Variants in HS6ST3 observed in about 807,000 individuals in gnomAD.
HS6ST3 encodes heparan-sulfate 6-O-sulfotransferase 3.
Under a neutral mutation model 36.7 loss-of-function variants are expected in HS6ST3, and 12 were observed. The ratio of observed to expected loss-of-function variants is 0.33; its 90% CI spans 0.21 to 0.53. The LOEUF is 0.53. Among genes scored for constraint, HS6ST3 ranks in the 20% least tolerant of loss-of-function variants. HS6ST3 has a pLI of 0.95. For synonymous variants in HS6ST3, 240 were observed against 257.5 expected (o/e 0.93, Z 0.65); for missense variants, 584 against 640.9 (o/e 0.91, Z 0.96).
At chr13:96,772,669 G>A (rs1877291564) in intron 1 of HS6ST3, among the ~76,000 whole-genome samples, 1 of 152,148 alleles carries the variant, frequency 6.6e-6, no homozygotes, top group South Asian at 2.1e-4. Context: ...GAAATCCACC[G>A]AAGTTATATA....
chr13:96,526,060 T>C (rs912733727), intron 1 of HS6ST3, among the ~76,000 whole-genome samples: 3 of 152,072 alleles, frequency 2.0e-5, no homozygotes, highest in South Asian at 2.1e-4. Flanking sequence ...GTTTTGAAGT[T>C]AGCCAGGAAA....
intron 1 of HS6ST3, among the ~76,000 whole-genome samples, chr13:96,325,719 C>T (rs1344600771): frequency 6.6e-6 from 1 of 152,058 alleles, no homozygotes; most frequent in Admixed American, 6.5e-5. Flanking sequence ...ACATTAATGA[C>T]TGGGACTATG....
chr13:96,637,400 G>T (rs572478725), intron 1 of HS6ST3, among the ~76,000 whole-genome samples: 2 of 152,206 alleles, frequency 1.3e-5, no homozygotes, highest in South Asian at 4.2e-4. Flanking sequence ...CACATATGTG[G>T]TTTAGACATT....
intron 1 of HS6ST3, among the ~76,000 whole-genome samples, chr13:96,581,968 A>T (rs934082192): frequency 6.6e-6 from 1 of 152,184 alleles, no homozygotes; most frequent in Non-Finnish European, 1.5e-5. Flanking sequence ...TCCAGCCAAG[A>T]CACCTAAGCA....
chr13:96,282,853 C>T (rs1425586862), intron 1 of HS6ST3, among the ~76,000 whole-genome samples: 1 of 152,100 alleles, frequency 6.6e-6, no homozygotes, highest in East Asian at 1.9e-4. Context: ...TTTTAGAATT[C>T]AGGGTTTACT....
intron 1 of HS6ST3, among the ~76,000 whole-genome samples, chr13:96,182,076 A>G (rs945507003): frequency 1.3e-5 from 2 of 152,234 alleles, no homozygotes; most frequent in Non-Finnish European, 2.9e-5. Context: ...TCATGAAATG[A>G]TGTAACTAGT....
At chr13:96,615,027 T>G (rs2056469335) in intron 1 of HS6ST3, among the ~76,000 whole-genome samples, 1 of 152,226 alleles carries the variant, frequency 6.6e-6, no homozygotes, top group Non-Finnish European at 1.5e-5. Flanking sequence ...TTTTACAAGA[T>G]ATCTTGGCTT....
intron 1 of HS6ST3, among the ~76,000 whole-genome samples, chr13:96,405,625 G>A (rs557732082): frequency 6.6e-6 from 1 of 152,034 alleles, no homozygotes; most frequent in Non-Finnish European, 1.5e-5. Flanking sequence ...AATATTAAGC[G>A]CATCCTATAT....
At chr13:96,534,939 G>T (rs539268658) in intron 1 of HS6ST3, among the ~76,000 whole-genome samples, 1 of 152,250 alleles carries the variant, frequency 6.6e-6, no homozygotes, top group South Asian at 2.1e-4. Flanking sequence ...CAGCCTGGGT[G>T]ACAGAGCAAG....
rs185168339 is a variant in HS6ST3 at position 96,589,156 on chromosome 13, A to C, written c.708-243334A>C. Among the ~76,000 whole-genome samples the C allele has an allele frequency of 5.3e-5, 8 of 152,106 alleles. No homozygotes were observed. In the East Asian group the frequency reaches 1.2e-3, roughly 22 times the overall value. On this transcript the variant is annotated intron_variant, in intron 1 of 1. Transcript: ENST00000376705. The stretch of plus-strand genomic sequence containing the variant: ...CATTAAATGTTTGATAAAAGTCAGC[A>C]GTAAAGCCACCAGGTCCTGGGCTTT...
At chr13:96,095,354 C>A (rs61966755) in intron 1 of HS6ST3, among the ~76,000 whole-genome samples, 4,011 of 152,282 alleles carry the variant, frequency 0.026, 64 homozygotes, top group Non-Finnish European at 0.034. Context: ...GAAAGATATT[C>A]TATCTGCATC....
intron 1 of HS6ST3, among the ~76,000 whole-genome samples, chr13:96,188,080 C>T (rs536074269): frequency 3.9e-5 from 6 of 152,096 alleles, no homozygotes; most frequent in Non-Finnish European, 8.8e-5. Context: ...TCCTCTTCCC[C>T]CTATAGCACC....
At chr13:96,269,023 G>A (rs1414517702) in intron 1 of HS6ST3, among the ~76,000 whole-genome samples, 3 of 151,932 alleles carry the variant, frequency 2.0e-5, no homozygotes, top group Admixed American at 2.0e-4. Context: ...ATTCCTGAAT[G>A]ATTGTGTAAC....
chr13:96,385,901 A>G (rs1025473812), intron 1 of HS6ST3, among the ~76,000 whole-genome samples: 2 of 152,184 alleles, frequency 1.3e-5, no homozygotes, highest in African/African-American at 2.4e-5. Flanking sequence ...TCCAGTAGGT[A>G]GCAGATCCCA....
At chr13:96,112,578 A>AATATACAAAT (rs397773858) in intron 1 of HS6ST3, among the ~76,000 whole-genome samples, 2 of 81,222 alleles carry the variant, frequency 2.5e-5, no homozygotes, top group Non-Finnish European at 4.7e-5. Flanking sequence ...AAAATAAATA[A>AATATACAAAT]ATATATATAT....
intron 1 of HS6ST3, among the ~76,000 whole-genome samples, chr13:96,113,134 C>G (rs1253303560): frequency 6.6e-6 from 1 of 152,106 alleles, no homozygotes; most frequent in African/African-American, 2.4e-5. Flanking sequence ...CCTGTTTATG[C>G]TCAGGGCTTA....
chr13:96,203,811 T>C (rs1412393796), intron 1 of HS6ST3, among the ~76,000 whole-genome samples: 1 of 152,158 alleles, frequency 6.6e-6, no homozygotes, highest in Non-Finnish European at 1.5e-5. Flanking sequence ...TACAGAAAAG[T>C]AAGGAAATAC....
intron 1 of HS6ST3, among the ~76,000 whole-genome samples, chr13:96,765,060 C>CTTTTTTTTTTTTTTTT (rs11423735): frequency 7.8e-4 from 73 of 93,908 alleles, no homozygotes; most frequent in Non-Finnish European, 1.1e-3. Flanking sequence ...TTGTTTCTTT[C>CTTTTTTTTTTTTTTTT]TTTTTTTTTT....
chr13:96,713,274 G>A (rs542806830), intron 1 of HS6ST3, among the ~76,000 whole-genome samples: 103 of 152,290 alleles, frequency 6.8e-4, no homozygotes, highest in Admixed American at 9.8e-4. Context: ...ATTGATCAAA[G>A]AGAACTAAAC....
Sources: gnomAD v4.1 joint callset for allele counts (sites outside exome capture counted in the v4.1 genomes callset) on GRCh38, gnomAD v4.1.1 for gene constraint, MANE v1.5 for transcripts, NCBI Gene and HGNC (gene_info 2026-07-23, HGNC 2026-07-21) for gene names.